Variants in FAR1 observed in about 807,000 individuals in gnomAD.
FAR1 encodes male sterility domain-containing protein 2.
Under a neutral mutation model 61.1 loss-of-function variants are expected in FAR1, and 22 were observed. The observed-to-expected ratio is 0.36, with a 90% CI of 0.26 to 0.51. FAR1 has a LOEUF of 0.51. Ranked by LOEUF, FAR1 falls within the 20% of genes least tolerant of loss-of-function variation. FAR1 has a pLI of 0.95. For synonymous variants in FAR1, 206 were observed against 209.7 expected (o/e 0.98, Z 0.15); for missense variants, 359 against 626.9 (o/e 0.57, Z 4.56).
chr11:13,680,370 G>A (rs1848115012), intron 1 of FAR1, among the ~76,000 whole-genome samples: 1 of 152,276 alleles, frequency 6.6e-6, no homozygotes, highest in South Asian at 2.1e-4. Flanking sequence ...TGGGCACACA[G>A]TTGTGTGCCA....
chr11:13,694,785 A>G lies in FAR1; in HGVS notation c.20A>G (p.Tyr7Cys). 6.2e-7 allele frequency: 1 copy of G among 1,613,196 alleles called. No individual in the cohort carries two copies. Among genetic ancestry groups the G allele is most frequent in the Non-Finnish European group, 8.5e-7 (1 of 1,179,616 alleles). The change falls in exon 2 of 12, where the codon TAC (tyrosine) becomes TGC (cysteine). Residue 7 changes from tyrosine to cysteine, a missense_variant. Physicochemically the swap from Tyr to Cys is radical, Grantham distance 194 (BLOSUM62 -2). Around this residue, in one of 2 missense-constraint regions of FAR1, gnomAD observed 344 missense variants for 570.3 expected, o/e 0.60. Transcript: ENST00000354817. Reference protein sequence around the residue: MVSIPEYYEGKNVLLTG... With the variant: MVSIPECYEGKNVLLTG... The stretch of plus-strand genomic sequence containing the variant: ...ATCAAAATGGTTTCAATCCCAGAAT[A>G]CTATGAAGGCAAGAACGTCCTCCTC...
intron 3 of FAR1, 50 bp downstream of exon 3, chr11:13,700,542 A>ATGAGATTTTTT: frequency 8.6e-7 from 1 of 1,164,974 alleles, no homozygotes; most frequent in Non-Finnish European, 1.2e-6. Context: ...AGTTATTAAA[A>ATGAGATTTTTT]AATCTCATTT....
intron 3 of FAR1, among the ~76,000 whole-genome samples, chr11:13,706,958 G>A (rs1223183388): frequency 6.6e-6 from 1 of 152,132 alleles, no homozygotes; most frequent in Non-Finnish European, 1.5e-5. Context: ...AGTAGGCCAA[G>A]TCAGGATTTG....
intron 1 of FAR1, among the ~76,000 whole-genome samples, chr11:13,674,216 A>G (rs1462460430): frequency 1.3e-5 from 2 of 151,724 alleles, no homozygotes; most frequent in Non-Finnish European, 2.9e-5. Flanking sequence ...GGCTGAGGCA[A>G]AAGAATTGCT....
chr11:13,680,350 C>G (rs1331826307), intron 1 of FAR1, among the ~76,000 whole-genome samples: 1 of 152,156 alleles, frequency 6.6e-6, no homozygotes, highest in Non-Finnish European at 1.5e-5. Context: ...GCTTCAGCCT[C>G]CCAAGTAGTT....
At chr11:13,727,425 A>AAGTT in intron 10 of FAR1, 131 bp from the exon 11 acceptor site, 1 of 674,302 alleles carries the variant, frequency 1.5e-6, no homozygotes, top group East Asian at 3.4e-5. Flanking sequence ...AAGATTTCAG[A>AAGTT]AGTTAATTCT....
chr11:13,678,380 T>A lies in FAR1; in HGVS notation c.-8+9574T>A, dbSNP rs558342908. Among the ~76,000 whole-genome samples, 220 of 152,302 alleles carry A rather than the reference T, an allele frequency of 1.4e-3. 1 individual carries two copies. Among genetic ancestry groups the A allele is most frequent in the African/African-American group, 5.1e-3 (212 of 41,570 alleles). On this transcript the variant is annotated intron_variant, in intron 1 of 11. Coordinates refer to ENST00000354817, the MANE Select transcript of FAR1 (RefSeq NM_032228.6). ...CCTGGGTTCATGCCATTCTCCTGCCTCAGCCTCCTGAGTAGCTGGGACTAC... is the reference window on the plus strand; with the variant it reads ...CCTGGGTTCATGCCATTCTCCTGCCACAGCCTCCTGAGTAGCTGGGACTAC...
At chr11:13,713,893 GT>G (rs984426860) in intron 8 of FAR1, among the ~76,000 whole-genome samples, 21 of 151,884 alleles carry the variant, frequency 1.4e-4, no homozygotes, top group Non-Finnish European at 2.1e-4. Flanking sequence ...AATGAGTTAG[GT>G]TTTTTTGTAA....
intron 3 of FAR1, among the ~76,000 whole-genome samples, chr11:13,703,535 A>G (rs1314131390): frequency 6.6e-6 from 1 of 152,208 alleles, no homozygotes; most frequent in African/African-American, 2.4e-5. Context: ...CACAGATCTT[A>G]TTTGCAAAGT....
At chr11:13,681,894 T>TA (rs1015377615) in intron 1 of FAR1, among the ~76,000 whole-genome samples, 24 of 152,030 alleles carry the variant, frequency 1.6e-4, no homozygotes, top group Non-Finnish European at 3.1e-4. Context: ...TCTGTGCTTT[T>TA]TTATTATTAT....
At chr11:13,705,972 G>A (rs962595757) in intron 3 of FAR1, among the ~76,000 whole-genome samples, 1 of 152,198 alleles carries the variant, frequency 6.6e-6, no homozygotes, top group African/African-American at 2.4e-5. Flanking sequence ...TTACAGTGAA[G>A]TAGACTGGAT....
At chr11:13,714,888 A>T (rs1848538556) in intron 9 of FAR1, among the ~76,000 whole-genome samples, 1 of 152,200 alleles carries the variant, frequency 6.6e-6, no homozygotes. Context: ...TGGATAAGTT[A>T]TTGTCATGTA....
Position 13,730,882 on chromosome 11 carries a change from T to C in FAR1, c.*2108T>C, listed in dbSNP as rs1848717835. The C allele has an allele frequency of 6.6e-6, 1 of 152,160 alleles. No individual in the cohort carries two copies. The highest frequency in any genetic ancestry group is 1.5e-5 in the Non-Finnish European group (1 of 67,996). The allele number at this position is 152,160 out of a possible 1,614,324, so 9.4% of individuals were successfully genotyped here. The stretch of plus-strand genomic sequence containing the variant: ...TAAATTAGTTTGTCATTCTAGAATT[T>C]AAAGTTCTAAGATTAGTATAAAGAG... On this transcript the variant is annotated 3_prime_UTR_variant, in exon 12 of 12. Transcript: ENST00000354817.
At chr11:13,711,841 A>T in intron 6 of FAR1, 33 bp downstream of exon 6, 1 of 1,572,790 alleles carries the variant, frequency 6.4e-7, no homozygotes, top group Non-Finnish European at 8.7e-7. Flanking sequence ...TTAATATTCT[A>T]TACATTTTTC....
chr11:13,722,568 G>A (rs918123505), intron 10 of FAR1, among the ~76,000 whole-genome samples: 2 of 151,804 alleles, frequency 1.3e-5, no homozygotes, highest in Non-Finnish European at 2.9e-5. Flanking sequence ...CTGCCTCCCG[G>A]GTTCAAGCGA....
At chr11:13,706,212 A>G (rs1383818527) in intron 3 of FAR1, among the ~76,000 whole-genome samples, 2 of 152,148 alleles carry the variant, frequency 1.3e-5, no homozygotes, top group African/African-American at 4.8e-5. Context: ...ATTTGATGAT[A>G]TTCCATCATG....
At chr11:13,697,662 T>C (rs973448242) in intron 2 of FAR1, among the ~76,000 whole-genome samples, 2 of 152,016 alleles carry the variant, frequency 1.3e-5, no homozygotes, top group African/African-American at 2.4e-5. Flanking sequence ...TCTAGCAAGT[T>C]TAAGAGCAGC....
intron 1 of FAR1, among the ~76,000 whole-genome samples, chr11:13,678,675 T>G (rs1350377013): frequency 6.6e-6 from 1 of 152,218 alleles, no homozygotes; most frequent in Non-Finnish European, 1.5e-5. Context: ...TTTCCCTAGC[T>G]GTGTTGGGAC....
At chr11:13,710,636 C>A in intron 4 of FAR1, 57 bp from the exon 5 acceptor site, 1 of 1,442,426 alleles carries the variant, frequency 6.9e-7, no homozygotes. Context: ...AATTAAGTAG[C>A]TTTTTATTTT....
Sources: gnomAD v4.1 joint callset for allele counts (sites outside exome capture counted in the v4.1 genomes callset) on GRCh38, gnomAD v4.1.1 for gene constraint, gnomAD v4.1.1 regional missense constraint, MANE v1.5 for transcripts, NCBI Gene and HGNC (gene_info 2026-07-23, HGNC 2026-07-21) for gene names.